Variants in RILPL1 observed in about 807,000 individuals in gnomAD.
RILPL1 encodes the protein RILP-like protein 1.
RILPL1 carries 33 observed loss-of-function variants against 50.3 expected under a neutral mutation model. The ratio of observed to expected loss-of-function variants is 0.66; its 90% CI spans 0.50 to 0.88. The LOEUF (loss-of-function observed/expected upper bound fraction) is 0.88, where lower values mean the gene tolerates loss of function less well. RILPL1 is among the 40% of genes least tolerant of loss of function. RILPL1 has a pLI of 0.00. For synonymous variants in RILPL1, 205 were observed against 228.6 expected, an observed-to-expected ratio of 0.90 and a Z score of 0.93; for missense variants, 418 against 542.5, an observed-to-expected ratio of 0.77 and a Z score of 2.28.
chr12:123,476,988 C>T lies in RILPL1; in HGVS notation c.1068-4306G>A, dbSNP rs573831718. On this transcript the variant is annotated intron_variant, in intron 6 of 6. Coordinates refer to ENST00000376874, the MANE Select transcript of RILPL1 (RefSeq NM_178314.5). ...CTCCCCAACTGCGATGAGCTGCAGGCGCCATGACCCTAAGCGCCAGGCGAG... is the reference window on the plus strand; with the variant it reads ...CTCCCCAACTGCGATGAGCTGCAGGTGCCATGACCCTAAGCGCCAGGCGAG... Among the ~76,000 whole-genome samples the T allele has an allele frequency of 1.6e-4, 24 of 152,212 alleles. 1 individual carries two copies. In the South Asian group the frequency reaches 4.4e-3, roughly 28 times the overall value.
In RILPL1 at chr12:123,523,396, C is replaced by T. The variant is rs1885136565; in HGVS notation, c.460+99G>A. 1.4e-5 allele frequency: 20 copies of T among 1,400,368 alleles called. No individual in the cohort carries two copies. The South Asian group carries it at 2.3e-4, about 16-fold the overall frequency. 86.7% of individuals were successfully genotyped at this position (1,400,368 alleles called of 1,614,324 possible). On this transcript the variant is annotated intron_variant, in intron 2 of 6. Transcript: ENST00000376874. Reference sequence around the variant, plus strand: ...GCAAAGGGCTTTGGGAATCAGCCAGCACCGCATCAGCGTCCAGGGGTGGTG... The same window carrying T: ...GCAAAGGGCTTTGGGAATCAGCCAGTACCGCATCAGCGTCCAGGGGTGGTG...
intron 2 of RILPL1, among the ~76,000 whole-genome samples, chr12:123,518,647 TG>T (rs1884846643): frequency 6.6e-6 from 1 of 152,092 alleles, no homozygotes; most frequent in East Asian, 1.9e-4. Flanking sequence ...AGACTTAATA[TG>T]AAAAAAATGC....
chr12:123,484,776 C>T, intron 5 of RILPL1: 1 of 226,608 alleles, frequency 4.4e-6, no homozygotes, highest in Non-Finnish European at 8.9e-6. Flanking sequence ...CCTGCTTCAG[C>T]CTCCCAAGTG....
At chr12:123,484,470 C>T (rs11497311) in intron 5 of RILPL1, among the ~76,000 whole-genome samples, 198 bp from the exon 6 acceptor site, 4,378 of 152,112 alleles carry the variant, frequency 0.029, 94 homozygotes, top group Non-Finnish European at 0.04. Flanking sequence ...GCTTCCCTGT[C>T]GCTACACCTC....
rs760762322 is a variant in RILPL1 at position 123,485,200 on chromosome 12, T to A, written c.974+433A>T. On this transcript the variant is annotated intron_variant, in intron 5 of 6. Coordinates refer to ENST00000376874, the MANE Select transcript of RILPL1 (RefSeq NM_178314.5). This position sits in a 1 kb window ranked among gnomAD's most constrained non-coding sequence, Gnocchi z 4.0. ...GATAAATAAGACTTCTGGTCTCATG[T>A]TGCTTGTGGTCTCATGTGGAAACCT... is the stretch of plus-strand genomic sequence containing the variant. The A allele has an allele frequency of 2.8e-5, 13 of 456,978 alleles. No individual in the cohort carries two copies. The highest frequency in any genetic ancestry group is 5.7e-5 in the Non-Finnish European group (13 of 227,584). 28.3% of individuals were successfully genotyped at this position (456,978 alleles called of 1,614,324 possible). A position where few individuals can be genotyped will look rare whatever the true frequency, so the allele number is the denominator to read the frequency against.
At chr12:123,519,166 T>C (rs1254862786) in intron 2 of RILPL1, among the ~76,000 whole-genome samples, 1 of 152,156 alleles carries the variant, frequency 6.6e-6, no homozygotes, top group African/African-American at 2.4e-5. Context: ...TGCAGTGTTG[T>C]TCTGTAATGC....
At chr12:123,520,967 G>A (rs1884980903) in intron 2 of RILPL1, among the ~76,000 whole-genome samples, 1 of 152,234 alleles carries the variant, frequency 6.6e-6, no homozygotes, top group Non-Finnish European at 1.5e-5. Context: ...CAGAGAGACA[G>A]AAGCCTTCCT....
intron 2 of RILPL1, among the ~76,000 whole-genome samples, chr12:123,509,666 C>T (rs1883966965): frequency 6.6e-6 from 1 of 152,100 alleles, no homozygotes; most frequent in Non-Finnish European, 1.5e-5. Context: ...GGGACAAACG[C>T]CGTATGATTC....
chr12:123,521,628 TAC>T (rs779320001), intron 2 of RILPL1, among the ~76,000 whole-genome samples: 52 of 7,132 alleles, frequency 7.3e-3, no homozygotes, highest in African/African-American at 0.012. Flanking sequence ...TGTATATATA[TAC>T]ACACATATGT....
At chr12:123,472,711 G>T in intron 6 of RILPL1, 29 bp from the exon 7 acceptor site, 1 of 1,583,966 alleles carries the variant, frequency 6.3e-7, no homozygotes, top group South Asian at 1.2e-5. Context: ...ACACAGAAAT[G>T]AGAGCTGACC....
At chr12:123,510,259 A>G (rs555821165) in intron 2 of RILPL1, among the ~76,000 whole-genome samples, 160 of 152,130 alleles carry the variant, frequency 1.1e-3, no homozygotes, top group African/African-American at 3.8e-3. Flanking sequence ...TCTCCTCTCT[A>G]TGCCCCAGGG....
chr12:123,502,534 C>T (rs1191192282), intron 2 of RILPL1, among the ~76,000 whole-genome samples: 2 of 152,246 alleles, frequency 1.3e-5, no homozygotes, highest in African/African-American at 2.4e-5. Flanking sequence ...GAAGATGGTG[C>T]CTGGCACACC....
chr12:123,507,592 A>T (rs1203628516), intron 2 of RILPL1, among the ~76,000 whole-genome samples: 4 of 150,338 alleles, frequency 2.7e-5, no homozygotes, highest in Non-Finnish European at 5.9e-5. Flanking sequence ...GTATGTGTGT[A>T]TGTATGGGGA....
At chr12:123,484,725 C>T (rs996367753) in intron 5 of RILPL1, 1 of 212,426 alleles carries the variant, frequency 4.7e-6, no homozygotes, top group Admixed American at 5.7e-5. Context: ...TACAAACATA[C>T]ATAGCTCACT....
chr12:123,496,078 T>A (rs1426860203), intron 4 of RILPL1, among the ~76,000 whole-genome samples: 1 of 151,904 alleles, frequency 6.6e-6, no homozygotes, highest in African/African-American at 2.4e-5. Context: ...AGTGGCGTGA[T>A]CTCAGTTCAC....
At position 123,489,244 on chromosome 12, in the gene RILPL1, A is replaced by G. The variant is rs1457681810; in HGVS notation, c.802-3439T>C. On this transcript the variant is annotated intron_variant, in intron 4 of 6. Transcript: ENST00000376874. This position sits in a 1 kb window ranked among gnomAD's most constrained non-coding sequence, Gnocchi z 4.0. ...TACACATAAATAGAAGCTTAAGGCC[A>G]GGTGTGGTGGCTCACACCTGTAATC... 6.6e-6 allele frequency among the ~76,000 whole-genome samples: 1 copy of G among 152,204 alleles called. No individual in the cohort carries two copies. Among genetic ancestry groups the G allele is most frequent in the East Asian group, 1.9e-4 (1 of 5,196 alleles).
At chr12:123,483,966 C>A (rs557636692) in intron 6 of RILPL1, among the ~76,000 whole-genome samples, 1 of 152,330 alleles carries the variant, frequency 6.6e-6, no homozygotes, top group South Asian at 2.1e-4. Context: ...TCTCGCCTCC[C>A]GCACTCCCCA....
intron 4 of RILPL1, among the ~76,000 whole-genome samples, chr12:123,490,924 AT>A (rs1407287510): frequency 1.3e-5 from 2 of 150,552 alleles, no homozygotes; most frequent in Non-Finnish European, 3.0e-5. Flanking sequence ...CTAATTTTGT[AT>A]TTTTAGTAGA....
At chr12:123,486,330 G>A (rs927769926) in intron 4 of RILPL1, among the ~76,000 whole-genome samples, 8 of 152,094 alleles carry the variant, frequency 5.3e-5, no homozygotes, top group African/African-American at 1.9e-4. Flanking sequence ...TTGAGTATCT[G>A]GAGTTCAGTG....
Sources: gnomAD v4.1 joint callset for allele counts (sites outside exome capture counted in the v4.1 genomes callset) on GRCh38, gnomAD v4.1.1 for gene constraint, Gnocchi (gnomAD v3.1) non-coding constraint, MANE v1.5 for transcripts, NCBI Gene and HGNC (gene_info 2026-07-23, HGNC 2026-07-21) for gene names.